The following ATP11C variants were observed in gnomAD, a reference collection of about 807,000 sequenced individuals.
ATP11C encodes the protein phospholipid-transporting ATPase IG.
ATP11C carries 36 observed loss-of-function variants against 97.4 expected under a neutral mutation model. The observed-to-expected ratio is 0.37, with a 90% CI of 0.28 to 0.49. The LOEUF (loss-of-function observed/expected upper bound fraction) is 0.49. Ranked by LOEUF, ATP11C falls within the 20% of genes least tolerant of loss-of-function variation. ATP11C has a pLI of 0.98. For synonymous variants in ATP11C, 275 were observed against 290.9 expected, an observed-to-expected ratio of 0.95 and a Z score of 0.56; for missense variants, 730 against 824.6, an observed-to-expected ratio of 0.89 and a Z score of 1.40.
At chrX:139,788,099 C>T in intron 14 of ATP11C, 93 bp downstream of exon 14, 2 of 843,248 alleles carry the variant, frequency 2.4e-6, no homozygotes, top group South Asian at 2.8e-5. Flanking sequence ...GATGTATGTG[C>T]TAAGGTCACT....
At chrX:139,894,294 A>T (rs2084773552) in intron 1 of ATP11C, among the ~76,000 whole-genome samples, 1 of 112,498 alleles carries the variant, frequency 8.9e-6, no homozygotes, top group Admixed American at 9.5e-5. Flanking sequence ...TATCCCTAGT[A>T]TCACACAATC....
chrX:139,885,078 G>A (rs1286883172), intron 1 of ATP11C, among the ~76,000 whole-genome samples: 2 of 110,920 alleles, frequency 1.8e-5, no homozygotes, highest in South Asian at 3.9e-4. Context: ...AGATGGCAAT[G>A]AAAGGTGGGA....
intron 1 of ATP11C, among the ~76,000 whole-genome samples, chrX:139,846,993 A>G (rs891140145): frequency 9.1e-6 from 1 of 109,964 alleles, no homozygotes. Flanking sequence ...CTCTCATCCA[A>G]TTGCCTATCC....
chrX:139,863,017 C>A (rs1271362925), intron 1 of ATP11C, among the ~76,000 whole-genome samples: 1 of 111,264 alleles, frequency 9.0e-6, no homozygotes, highest in Admixed American at 9.5e-5. Context: ...AGAACAGAAA[C>A]CCCCGAGAAG....
chrX:139,746,204 G>T (rs1237422398), intron 24 of ATP11C, among the ~76,000 whole-genome samples: 1 of 111,603 alleles, frequency 9.0e-6, no homozygotes, highest in Non-Finnish European at 1.9e-5. Context: ...CATGAGATAG[G>T]TATTACTACC....
upstream of ATP11C, among the ~76,000 whole-genome samples, chrX:139,933,402 G>A (rs1056420703): frequency 3.6e-5 from 4 of 112,010 alleles, no homozygotes; most frequent in African/African-American, 1.3e-4. Context: ...AACGCAAAAT[G>A]TGCGCATCAG....
chrX:139,798,560 C>T (rs1399526275), intron 9 of ATP11C, 119 bp downstream of exon 9: 1 of 598,248 alleles, frequency 1.7e-6, no homozygotes, highest in Non-Finnish European at 2.6e-6. Flanking sequence ...ATTCCCAACA[C>T]CTAAATGTAG....
At chrX:139,870,659 A>G (rs921635237) in intron 1 of ATP11C, among the ~76,000 whole-genome samples, 3 of 112,609 alleles carry the variant, frequency 2.7e-5, no homozygotes, top group African/African-American at 9.7e-5. Context: ...TGGGACATCT[A>G]TTTATGAGTA....
chrX:139,774,433 AAC>A (rs1437170735), intron 19 of ATP11C, among the ~76,000 whole-genome samples: 3 of 112,387 alleles, frequency 2.7e-5, no homozygotes, highest in Non-Finnish European at 5.6e-5. Context: ...CTAGACTCTA[AAC>A]ATTTAAAAAT....
intron 1 of ATP11C, among the ~76,000 whole-genome samples, chrX:139,904,203 G>A (rs1302068126): frequency 1.8e-5 from 2 of 111,763 alleles, no homozygotes; most frequent in East Asian, 2.8e-4. Context: ...CTGGACACTG[G>A]CACTGGGTGG....
At chrX:139,765,857 G>C (rs1372734938) in intron 20 of ATP11C, among the ~76,000 whole-genome samples, 1 of 111,557 alleles carries the variant, frequency 9.0e-6, no homozygotes, top group African/African-American at 3.3e-5. Context: ...AGCCCTGAAA[G>C]GTAATGAAAA....
chrX:139,899,476 C>CA (rs767608156), intron 1 of ATP11C, among the ~76,000 whole-genome samples: 664 of 59,392 alleles, frequency 0.011, 8 homozygotes, highest in Middle Eastern at 0.066. Flanking sequence ...GACTGCGTCT[C>CA]AAAAAAAAAA....
intron 1 of ATP11C, among the ~76,000 whole-genome samples, chrX:139,918,797 G>C (rs1256972442): frequency 9.0e-6 from 1 of 111,362 alleles, no homozygotes; most frequent in Non-Finnish European, 1.9e-5. Flanking sequence ...TGCATGAAGT[G>C]GGGGAGCTGT....
intron 1 of ATP11C, among the ~76,000 whole-genome samples, chrX:139,863,923 G>T (rs1420636103): frequency 1.8e-5 from 2 of 109,527 alleles, no homozygotes; most frequent in African/African-American, 6.7e-5. Context: ...TTAGCTGGAC[G>T]TGGTGGTGCG....
intron 1 of ATP11C, among the ~76,000 whole-genome samples, chrX:139,904,821 T>C: frequency 9.0e-6 from 1 of 111,328 alleles, no homozygotes; most frequent in South Asian, 3.8e-4. Flanking sequence ...CAGAATACAG[T>C]AGGAGGGTAG....
intron 23 of ATP11C, among the ~76,000 whole-genome samples, chrX:139,754,321 C>T (rs2081886580): frequency 9.0e-6 from 1 of 111,074 alleles, no homozygotes; most frequent in African/African-American, 3.3e-5. Flanking sequence ...CCAATAATGA[C>T]TTCAAAAACT....
At chrX:139,935,739 T>C (rs773528552), upstream of ATP11C, among the ~76,000 whole-genome samples, 4 of 111,777 alleles carry the variant, frequency 3.6e-5, no homozygotes, top group Non-Finnish European at 7.5e-5. Context: ...TTATTCCAGG[T>C]ATTTTTATGG....
chrX:139,825,224 C>T (rs1016452175), intron 2 of ATP11C, among the ~76,000 whole-genome samples: 1 of 111,475 alleles, frequency 9.0e-6, no homozygotes, highest in Non-Finnish European at 1.9e-5. Flanking sequence ...CCAAACAGCA[C>T]GATGATGTAA....
chrX:139,818,094 TC>T (rs1392321639), intron 3 of ATP11C, among the ~76,000 whole-genome samples: 19 of 111,522 alleles, frequency 1.7e-4, no homozygotes, highest in African/African-American at 6.2e-4. Context: ...AGTTCAGCAT[TC>T]TCCACCAAGT....
Sources: gnomAD v4.1 joint callset for allele counts (sites outside exome capture counted in the v4.1 genomes callset) on GRCh38, gnomAD v4.1.1 for gene constraint, MANE v1.5 for transcripts, NCBI Gene and HGNC (gene_info 2026-07-23, HGNC 2026-07-21) for gene names.